KIFAP3: variants seen among roughly 807,000 people sequenced by gnomAD.
KIFAP3 encodes the protein kinesin-associated protein 3.
KIFAP3 carries 68 observed loss-of-function variants against 106.5 expected under a neutral mutation model. The ratio of observed to expected loss-of-function variants is 0.64; its 90% CI spans 0.53 to 0.78. KIFAP3 has a LOEUF of 0.78. Ranked by LOEUF, KIFAP3 falls within the 30% of genes least tolerant of loss-of-function variation. The pLI is 0.00. For synonymous variants in KIFAP3, 320 were observed against 311.5 expected (o/e 1.03, Z -0.29); for missense variants, 780 against 941.8 (o/e 0.83, Z 2.25).
chr1:170,025,626 G>A (rs1278597008), intron 8 of KIFAP3, among the ~76,000 whole-genome samples: 1 of 152,072 alleles, frequency 6.6e-6, no homozygotes, highest in African/African-American at 2.4e-5. Flanking sequence ...GTTTTATGAG[G>A]AAAGAAGTAT....
chr1:169,940,374 A>G (rs1209749136), intron 19 of KIFAP3, among the ~76,000 whole-genome samples: 1 of 152,204 alleles, frequency 6.6e-6, no homozygotes, highest in Non-Finnish European at 1.5e-5. Flanking sequence ...TTATTGGTCC[A>G]TCTATCTCAT....
intron 19 of KIFAP3, among the ~76,000 whole-genome samples, 157 bp downstream of exon 19, chr1:169,953,854 T>A (rs1664865587): frequency 6.6e-6 from 1 of 152,170 alleles, no homozygotes; most frequent in Admixed American, 6.5e-5. Context: ...TGTGACTTCA[T>A]AAGTTAATTT....
intron 1 of KIFAP3, among the ~76,000 whole-genome samples, chr1:170,083,770 C>A (rs147388417): frequency 0.012 from 1,855 of 152,178 alleles, 109 homozygotes; most frequent in Admixed American, 0.089. Context: ...TGACTCTAGA[C>A]AAGTCACTTA....
intron 19 of KIFAP3, among the ~76,000 whole-genome samples, chr1:169,943,554 T>C (rs190226941): frequency 2.0e-5 from 3 of 152,326 alleles, no homozygotes; most frequent in East Asian, 1.9e-4. Flanking sequence ...TAACCAATTA[T>C]ATACAATTTT....
chr1:170,082,115 T>C (rs1672028769), intron 1 of KIFAP3, among the ~76,000 whole-genome samples: 1 of 152,266 alleles, frequency 6.6e-6, no homozygotes, highest in East Asian at 1.9e-4. Context: ...TGAAAACATA[T>C]GTCCACAACA....
rs745591823 is a variant in KIFAP3 at position 170,074,419 on chromosome 1, C to A, written c.32+17G>T. The A allele has an allele frequency of 6.2e-7, 1 of 1,613,818 alleles. No homozygotes were observed. The highest frequency in any genetic ancestry group is 8.5e-7 in the Non-Finnish European group (1 of 1,179,870). On this transcript the variant is annotated intron_variant, in intron 1 of 19. Coordinates refer to ENST00000361580, the MANE Select transcript of KIFAP3 (RefSeq NM_014970.4). ...CCCTGGCAAGGAGGGTAGGACAGAGCCTTGGGGAGTCGTCACCTTTTGAGG... is the reference window on the plus strand; with the variant it reads ...CCCTGGCAAGGAGGGTAGGACAGAGACTTGGGGAGTCGTCACCTTTTGAGG...
intron 16 of KIFAP3, 100 bp from the exon 17 acceptor site, chr1:169,972,698 G>A: frequency 1.9e-6 from 1 of 538,460 alleles, no homozygotes; most frequent in Non-Finnish European, 3.2e-6. Context: ...ATTCTAAATG[G>A]AAATATAACC....
intron 14 of KIFAP3, 115 bp from the exon 15 acceptor site, chr1:169,982,212 A>T (rs1450519687): frequency 9.1e-7 from 1 of 1,095,724 alleles, no homozygotes; most frequent in Non-Finnish European, 1.3e-6. Flanking sequence ...ATCAAGTCAT[A>T]TGAATCCTTG....
At chr1:169,939,754 G>C (rs1664005579) in intron 19 of KIFAP3, among the ~76,000 whole-genome samples, 2 of 152,008 alleles carry the variant, frequency 1.3e-5, no homozygotes, top group Non-Finnish European at 2.9e-5. Flanking sequence ...GAAAAATGGG[G>C]TATCTTGAGA....
chr1:170,039,301 T>A lies in KIFAP3; in HGVS notation c.320-13A>T, dbSNP rs1669852372. ...TTTTCTTTTTTCTCTGTAAAAAGAT[T>A]TTTTTTTAATAAGGAGACTTAGGTT... is the stretch of plus-strand genomic sequence containing the variant. On this transcript the variant is annotated splice_polypyrimidine_tract_variant and intron_variant, in intron 3 of 19. Coordinates refer to ENST00000361580, the MANE Select transcript of KIFAP3 (RefSeq NM_014970.4). 1.3e-6 allele frequency: 2 copies of A among 1,522,646 alleles called. No homozygotes were observed. The highest frequency in any genetic ancestry group is 2.3e-5 in the East Asian group (1 of 44,236). The allele number at this position is 1,522,646 out of a possible 1,614,324, so 94.3% of individuals were successfully genotyped here.
chr1:169,980,221 G>T (rs972977172), intron 15 of KIFAP3, among the ~76,000 whole-genome samples: 8 of 151,848 alleles, frequency 5.3e-5, no homozygotes, highest in African/African-American at 1.9e-4. Flanking sequence ...AATACATTGA[G>T]CTATACTTAC....
In KIFAP3 at chr1:169,921,647, T is replaced by G; in HGVS notation, c.*29A>C. On this transcript the variant is annotated 3_prime_UTR_variant, in exon 20 of 20. Coordinates refer to ENST00000361580, the MANE Select transcript of KIFAP3 (RefSeq NM_014970.4). ...CAACCCACACAGATTTCTTCTAAGC[T>G]GAGATTACACATGGAAACAGATACT... 5.8e-6 allele frequency: 9 copies of G among 1,553,910 alleles called. No individual in the cohort carries two copies. Among genetic ancestry groups the G allele is most frequent in the Non-Finnish European group, 8.0e-6 (9 of 1,126,320 alleles).
intron 19 of KIFAP3, among the ~76,000 whole-genome samples, chr1:169,942,919 C>CCCA (rs397729541): frequency 1.5e-4 from 17 of 110,584 alleles, no homozygotes; most frequent in African/African-American, 2.0e-4. Flanking sequence ...CGCCCCCCCC[C>CCCA]ACCCCTTTAA....
At chr1:170,061,723 T>C (rs1671167498) in intron 1 of KIFAP3, among the ~76,000 whole-genome samples, 1 of 152,186 alleles carries the variant, frequency 6.6e-6, no homozygotes, top group Non-Finnish European at 1.5e-5. Flanking sequence ...CATATATTTA[T>C]TGTGGCACTA....
chr1:170,052,485 C>A (rs1670627536), intron 2 of KIFAP3, among the ~76,000 whole-genome samples: 1 of 152,160 alleles, frequency 6.6e-6, no homozygotes, highest in Non-Finnish European at 1.5e-5. Context: ...CTTCCTAACT[C>A]ATTTTATTAG....
rs975104599 is a variant in KIFAP3, at chr1:170,064,785, C to T, written c.33-9349G>A. Among the ~76,000 whole-genome samples the T allele has an allele frequency of 2.6e-5, 4 of 152,246 alleles. No homozygotes were observed. In the East Asian group the frequency reaches 7.7e-4, roughly 29 times the overall value. ...ATCCATTGGAGGATCATGTATTGTT[C>T]TTCTTTAATTCATAAATATACTACA... On this transcript the variant is annotated intron_variant, in intron 1 of 19. Coordinates refer to ENST00000361580, the MANE Select transcript of KIFAP3 (RefSeq NM_014970.4).
intron 12 of KIFAP3, among the ~76,000 whole-genome samples, 196 bp from the exon 13 acceptor site, chr1:169,983,578 T>A (rs2101913142): frequency 6.6e-6 from 1 of 152,080 alleles, no homozygotes; most frequent in South Asian, 2.1e-4. Flanking sequence ...GAAAGTTCAC[T>A]TGTGCCCCTT....
chr1:170,025,958 G>A (rs1306809059), intron 8 of KIFAP3, among the ~76,000 whole-genome samples: 1 of 152,140 alleles, frequency 6.6e-6, no homozygotes, highest in Non-Finnish European at 1.5e-5. Flanking sequence ...AGATGTAATT[G>A]GTTATGGTGA....
At chr1:169,971,954 TG>T (rs1184131989) in intron 17 of KIFAP3, among the ~76,000 whole-genome samples, 1 of 152,132 alleles carries the variant, frequency 6.6e-6, no homozygotes, top group South Asian at 2.1e-4. Context: ...TAAGTCTGCA[TG>T]GTTCACAGTT....
Sources: allele counts gnomAD v4.1 joint callset (sites outside exome capture counted in the v4.1 genomes callset), GRCh38; gene constraint gnomAD v4.1.1; transcripts MANE v1.5; gene names NCBI Gene and HGNC (gene_info 2026-07-23, HGNC 2026-07-21).